PRKG1: variants seen among roughly 807,000 people sequenced by gnomAD.
PRKG1 encodes cGMP-dependent protein kinase 1.
PRKG1 carries 35 observed loss-of-function variants against 88.1 expected under a neutral mutation model. That is an observed-to-expected ratio of 0.40 (90% CI 0.30 to 0.53). PRKG1 has a LOEUF of 0.53. Ranked by LOEUF, PRKG1 falls within the 20% of genes least tolerant of loss-of-function variation. PRKG1 has a pLI of 0.59. For missense variants in PRKG1, 540 were observed against 839.8 expected, an observed-to-expected ratio of 0.64 and a Z score of 4.41; for synonymous variants, 303 against 292.5, an observed-to-expected ratio of 1.04 and a Z score of -0.37.
In PRKG1 at chr10:51,797,071, T is replaced by C. The variant is rs12268011; in HGVS notation, c.593-7514T>C. On this transcript the variant is annotated intron_variant, in intron 3 of 17. Transcript: ENST00000373980. ...AAAGGCATGGAGTAAAACAAGCTTTTATCTGGAGGGGTAGAGGCAGGCTTG... is the reference window on the plus strand; with the variant it reads ...AAAGGCATGGAGTAAAACAAGCTTTCATCTGGAGGGGTAGAGGCAGGCTTG... 8.5e-3 allele frequency among the ~76,000 whole-genome samples: 1,290 copies of C among 151,930 alleles called. 16 individuals carry two copies. The highest frequency in any genetic ancestry group is 0.025 in the African/African-American group (1,018 of 41,482).
chr10:51,317,138 G>T (rs1841343025), intron 2 of PRKG1, among the ~76,000 whole-genome samples: 1 of 152,144 alleles, frequency 6.6e-6, no homozygotes, highest in African/African-American at 2.4e-5. Context: ...CTGAAATTCT[G>T]CTAGCCAACT....
chr10:52,213,989 T>C (rs2132809498), intron 9 of PRKG1, among the ~76,000 whole-genome samples: 1 of 152,274 alleles, frequency 6.6e-6, no homozygotes, highest in African/African-American at 2.4e-5. Flanking sequence ...ATAAAATGTA[T>C]ATGTTTCAAA....
At chr10:51,464,006 T>C (rs1393091296) in intron 2 of PRKG1, among the ~76,000 whole-genome samples, 1 of 152,088 alleles carries the variant, frequency 6.6e-6, no homozygotes, top group Non-Finnish European at 1.5e-5. Context: ...GTGCGATAGC[T>C]CACGCCTGTA....
Position 51,222,125 on chromosome 10 carries a change from C to A in PRKG1, c.478+68795C>A, listed in dbSNP as rs572198807. Among the ~76,000 whole-genome samples, 6 of 116,346 alleles carry A rather than the reference C, an allele frequency of 5.2e-5. No individual in the cohort carries two copies. In the South Asian group the frequency reaches 7.7e-4, roughly 15 times the overall value. The allele number at this position is 116,346 out of a possible 152,430, so 76.3% of individuals were successfully genotyped here. ...CTTCTGGCCTCACGTGATCCGCGCC[C>A]CCCCCCGACCCCAGCCTCCCAAAGT... is the stretch of plus-strand genomic sequence containing the variant. On this transcript the variant is annotated intron_variant, in intron 2 of 17. Transcript: ENST00000373980.
At chr10:52,141,314 C>A (rs1215440812) in intron 8 of PRKG1, among the ~76,000 whole-genome samples, 2 of 152,208 alleles carry the variant, frequency 1.3e-5, no homozygotes, top group Middle Eastern at 6.8e-3. Context: ...AAGGAGTATA[C>A]CCTGAGACAA....
At chr10:51,260,925 T>G (rs1187625358) in intron 2 of PRKG1, among the ~76,000 whole-genome samples, 1 of 152,220 alleles carries the variant, frequency 6.6e-6, no homozygotes, top group East Asian at 1.9e-4. Flanking sequence ...TGTCTGTTTC[T>G]TATTTGATAA....
At chr10:51,257,889 A>G (rs1438665275) in intron 2 of PRKG1, among the ~76,000 whole-genome samples, 1 of 152,194 alleles carries the variant, frequency 6.6e-6, no homozygotes. Flanking sequence ...GGTTAGATTC[A>G]AAGAAAATCA....
intron 9 of PRKG1, among the ~76,000 whole-genome samples, chr10:52,201,142 G>C (rs982782431): frequency 6.6e-6 from 1 of 152,098 alleles, no homozygotes; most frequent in Non-Finnish European, 1.5e-5. Flanking sequence ...CCTATGTCCA[G>C]AATGGTATTT....
intron 2 of PRKG1, among the ~76,000 whole-genome samples, chr10:51,357,960 A>ATT (rs922733351): frequency 6.6e-6 from 1 of 151,498 alleles, no homozygotes; most frequent in Non-Finnish European, 1.5e-5. Context: ...GGATTTCTAG[A>ATT]TTTTTTTTTA....
At chr10:51,234,129 G>A (rs1481603972) in intron 2 of PRKG1, among the ~76,000 whole-genome samples, 2 of 152,098 alleles carry the variant, frequency 1.3e-5, no homozygotes, top group Non-Finnish European at 2.9e-5. Flanking sequence ...ACTTCTCAGG[G>A]TCTTGGTGCT....
intron 7 of PRKG1, among the ~76,000 whole-genome samples, chr10:52,114,213 T>C (rs547077467): frequency 4.6e-5 from 7 of 152,096 alleles, no homozygotes; most frequent in Non-Finnish European, 1.0e-4. Flanking sequence ...CAGATATGTC[T>C]AAGGCTGGGG....
At position 52,114,665 on chromosome 10, in the gene PRKG1, A is replaced by G. The variant is rs1236118870; in HGVS notation, c.936-19175A>G. Among the ~76,000 whole-genome samples the G allele has an allele frequency of 4.6e-5, 7 of 152,024 alleles. No individual in the cohort carries two copies. The East Asian group carries it at 1.2e-3, about 25-fold the overall frequency. On this transcript the variant is annotated intron_variant, in intron 7 of 17. Coordinates refer to ENST00000373980, the MANE Select transcript of PRKG1 (RefSeq NM_006258.4). ...TCAATGAAGCTAAAACTTTTGCTCAATTGTGCAGAGATTTTCAAAATGACC... is the reference window on the plus strand; with the variant it reads ...TCAATGAAGCTAAAACTTTTGCTCAGTTGTGCAGAGATTTTCAAAATGACC...
At position 52,166,835 on chromosome 10, in the gene PRKG1, A is replaced by G. The variant is rs200279804; in HGVS notation, c.1076+4872A>G. On this transcript the variant is annotated intron_variant, in intron 9 of 17. Coordinates refer to ENST00000373980, the MANE Select transcript of PRKG1 (RefSeq NM_006258.4). ...TATATATATGTATATATATGTATAT[A>G]TATGTATATATATGTCTATATATAT... Among the ~76,000 whole-genome samples the G allele has an allele frequency of 6.2e-3, 13 of 2,094 alleles. 1 individual carries two copies. Among genetic ancestry groups the G allele is most frequent in the East Asian group, 0.091 (2 of 22 alleles). The allele number at this position is 2,094 out of a possible 152,430, so 1.4% of individuals were successfully genotyped here.
Position 51,029,677 on chromosome 10 carries a change from A to G in PRKG1, c.266+38033A>G, listed in dbSNP as rs183237738. ...AGCAAGTTGTACCCATGGATGAGTC[A>G]TTTAAATTTGTTCTTGGTTTGCTTA... On this transcript the variant is annotated intron_variant, in intron 1 of 17. Transcript: ENST00000401604. Among the ~76,000 whole-genome samples the G allele has an allele frequency of 1.6e-3, 243 of 152,302 alleles. 1 individual carries two copies. The highest frequency in any genetic ancestry group is 5.8e-3 in the African/African-American group (240 of 41,562).
chr10:52,211,218 G>A (rs541880284), intron 9 of PRKG1, among the ~76,000 whole-genome samples: 2 of 151,746 alleles, frequency 1.3e-5, no homozygotes, highest in Admixed American at 1.3e-4. Flanking sequence ...CTTTCTGCCT[G>A]GGCTACAGTC....
At chr10:51,933,003 T>C (rs1432914754) in intron 5 of PRKG1, among the ~76,000 whole-genome samples, 6 of 152,190 alleles carry the variant, frequency 3.9e-5, no homozygotes, top group Non-Finnish European at 7.4e-5. Flanking sequence ...TTTTGAAATT[T>C]GTAGTCTAAA....
chr10:51,291,206 G>A (rs776119012), intron 2 of PRKG1, among the ~76,000 whole-genome samples: 4 of 152,096 alleles, frequency 2.6e-5, no homozygotes, highest in Non-Finnish European at 2.9e-5. Context: ...TTGGTCAGTT[G>A]GTATTCTGTT....
chr10:51,793,000 GA>G (rs1365191304), intron 3 of PRKG1, among the ~76,000 whole-genome samples: 2 of 151,104 alleles, frequency 1.3e-5, no homozygotes, highest in Non-Finnish European at 3.0e-5. Context: ...TAACCACAGG[GA>G]TAAACAAAAA....
At chr10:52,082,038 C>A (rs571219899) in intron 7 of PRKG1, among the ~76,000 whole-genome samples, 24 of 152,228 alleles carry the variant, frequency 1.6e-4, no homozygotes, top group Non-Finnish European at 3.4e-4. Context: ...AGGGAAGCCT[C>A]AGGAAACTTA....
Sources: gnomAD v4.1 joint callset for allele counts (sites outside exome capture counted in the v4.1 genomes callset) on GRCh38, gnomAD v4.1.1 for gene constraint, MANE v1.5 for transcripts, NCBI Gene and HGNC (gene_info 2026-07-23, HGNC 2026-07-21) for gene names.